The following CLVS2 variants were observed in gnomAD, a reference collection of about 807,000 sequenced individuals.
CLVS2 encodes the protein clavesin-2.
Under a neutral mutation model 29.0 loss-of-function variants are expected in CLVS2, and 19 were observed. The ratio of observed to expected loss-of-function variants is 0.66; its 90% CI spans 0.46 to 0.96. The LOEUF (loss-of-function observed/expected upper bound fraction) is 0.96. Among genes scored for constraint, CLVS2 ranks in the 40% least tolerant of loss-of-function variants. The pLI, the probability that CLVS2 is intolerant of heterozygous loss-of-function variation, is 0.00. For missense variants in CLVS2, 294 were observed against 404.1 expected, an observed-to-expected ratio of 0.73 and a Z score of 2.34; for synonymous variants, 161 against 151.3, an observed-to-expected ratio of 1.06 and a Z score of -0.47.
intron 3 of CLVS2, among the ~76,000 whole-genome samples, chr6:123,019,203 G>C (rs552196564): frequency 1.3e-5 from 2 of 151,980 alleles, no homozygotes; most frequent in African/African-American, 4.8e-5. Flanking sequence ...TCATGACAGG[G>C]GAGGCTGAAA....
At position 123,066,467 on chromosome 6, in the gene CLVS2, A is replaced by G. The variant is rs1772857313; in HGVS notation, c.*2706A>G. On this transcript the variant is annotated 3_prime_UTR_variant, in exon 6 of 6. Coordinates refer to ENST00000275162, the MANE Select transcript of CLVS2 (RefSeq NM_001010852.4). The stretch of plus-strand genomic sequence containing the variant: ...CTATTTTAGTTGTCTTGTCACTTGA[A>G]ATTTGCGGGCTTCAAAGAATTATCG... The G allele has an allele frequency of 6.6e-6, 1 of 151,626 alleles. No individual in the cohort carries two copies. Among genetic ancestry groups the G allele is most frequent in the African/African-American group, 2.4e-5 (1 of 41,376 alleles). The allele number at this position is 151,626 out of a possible 1,614,324, so 9.4% of individuals were successfully genotyped here.
intron 2 of CLVS2, among the ~76,000 whole-genome samples, chr6:123,000,513 T>G (rs1774575755): frequency 6.6e-6 from 1 of 152,206 alleles, no homozygotes; most frequent in Non-Finnish European, 1.5e-5. Context: ...AATGCCAGGA[T>G]GTTACCAACA....
intron 4 of CLVS2, 33 bp from the exon 5 acceptor site, chr6:123,055,773 C>G: frequency 1.3e-6 from 2 of 1,487,486 alleles, no homozygotes; most frequent in Non-Finnish European, 1.9e-6. Context: ...TCCTCTGTGT[C>G]TTTCCCTTCC....
intron 2 of CLVS2, among the ~76,000 whole-genome samples, chr6:123,001,848 G>A (rs9401628): frequency 0.74 from 112,725 of 152,108 alleles, 42,277 homozygotes; most frequent in East Asian, 0.92. Context: ...CATGTATCTA[G>A]GAAGTTGAAA....
chr6:123,022,611 C>G (rs755343056), intron 3 of CLVS2, among the ~76,000 whole-genome samples: 11 of 152,034 alleles, frequency 7.2e-5, no homozygotes, highest in South Asian at 4.1e-4. Context: ...TTTTCCCCCC[C>G]CAGGGTAAAA....
intron 2 of CLVS2, among the ~76,000 whole-genome samples, chr6:123,008,714 C>G (rs1774706248): frequency 6.7e-6 from 1 of 149,512 alleles, no homozygotes; most frequent in East Asian, 2.0e-4. Context: ...GTCTGAATTT[C>G]AACCAGAAAT....
intron 3 of CLVS2, among the ~76,000 whole-genome samples, chr6:123,043,391 A>G (rs1775262143): frequency 6.6e-6 from 1 of 152,110 alleles, no homozygotes; most frequent in Non-Finnish European, 1.5e-5. Context: ...GTCCTAGTAT[A>G]ATTTTATGGG....
chr6:123,013,543 A>G (rs956159126), intron 3 of CLVS2, among the ~76,000 whole-genome samples: 1 of 152,102 alleles, frequency 6.6e-6, no homozygotes, highest in East Asian at 1.9e-4. Context: ...TACGTGCATT[A>G]TGAATGGGAT....
intron 2 of CLVS2, among the ~76,000 whole-genome samples, chr6:123,010,503 A>G (rs1774732778): frequency 1.3e-5 from 2 of 151,842 alleles, no homozygotes; most frequent in Admixed American, 1.3e-4. Context: ...CCTTTTCTTT[A>G]TGATACAAAC....
Position 123,062,089 on chromosome 6 carries a change from T to A in CLVS2, c.897-1585T>A, listed in dbSNP as rs76980356. ...ACAATAAGGAAAGAAACTGATAAAG[T>A]CCCTGCTTATGGAACTTGCAGTCTA... On this transcript the variant is annotated intron_variant, in intron 5 of 5. Coordinates refer to ENST00000275162, the MANE Select transcript of CLVS2 (RefSeq NM_001010852.4). Among the ~76,000 whole-genome samples the A allele has an allele frequency of 7.9e-5, 12 of 152,230 alleles. No individual in the cohort carries two copies. The East Asian group carries it at 2.3e-3, about 29-fold the overall frequency.
At chr6:123,007,465 A>G (rs1211071657) in intron 2 of CLVS2, among the ~76,000 whole-genome samples, 2 of 152,198 alleles carry the variant, frequency 1.3e-5, no homozygotes, top group East Asian at 3.9e-4. Context: ...AACATGCCCC[A>G]AATAATTAAT....
At chr6:123,053,610 G>T (rs1353664839) in intron 4 of CLVS2, among the ~76,000 whole-genome samples, 1 of 152,102 alleles carries the variant, frequency 6.6e-6, no homozygotes, top group Non-Finnish European at 1.5e-5. Flanking sequence ...TTCCATTTAG[G>T]AAAAATGAGG....
chr6:123,021,259 A>G (rs913636922), intron 3 of CLVS2, among the ~76,000 whole-genome samples: 3 of 151,906 alleles, frequency 2.0e-5, no homozygotes, highest in African/African-American at 4.8e-5. Context: ...TTAGCCATCC[A>G]TTATTTCTGA....
intron 2 of CLVS2, among the ~76,000 whole-genome samples, chr6:123,005,532 T>G (rs548793387): frequency 6.6e-6 from 1 of 152,330 alleles, no homozygotes; most frequent in South Asian, 2.1e-4. Flanking sequence ...TAGTTTTTTC[T>G]TGTCATGCTG....
intron 2 of CLVS2, among the ~76,000 whole-genome samples, chr6:123,009,104 G>A (rs1010267450): frequency 1.3e-5 from 2 of 151,978 alleles, no homozygotes; most frequent in African/African-American, 4.8e-5. Flanking sequence ...CTGAACACCT[G>A]TTTATACCGA....
intron 2 of CLVS2, among the ~76,000 whole-genome samples, chr6:123,001,235 C>G (rs1223783043): frequency 1.3e-5 from 2 of 152,172 alleles, no homozygotes. Context: ...GAGACAGTGA[C>G]TATAAATAAA....
At chr6:123,014,057 A>G (rs1282631982) in intron 3 of CLVS2, among the ~76,000 whole-genome samples, 1 of 152,066 alleles carries the variant, frequency 6.6e-6, no homozygotes, top group Non-Finnish European at 1.5e-5. Flanking sequence ...AATCCAGTCT[A>G]TCGTTGTTGG....
intron 3 of CLVS2, among the ~76,000 whole-genome samples, chr6:123,031,864 T>C (rs1007982013): frequency 1.3e-5 from 2 of 152,110 alleles, no homozygotes; most frequent in African/African-American, 4.8e-5. Context: ...TTTGACTTGA[T>C]TTAATATTAT....
intron 4 of CLVS2, among the ~76,000 whole-genome samples, chr6:123,055,349 C>T (rs1772677852): frequency 6.6e-6 from 1 of 152,148 alleles, no homozygotes; most frequent in Admixed American, 6.5e-5. Flanking sequence ...GAAAGCCTTG[C>T]AAGTGACAGC....
Sources: gnomAD v4.1 joint callset for allele counts (sites outside exome capture counted in the v4.1 genomes callset) on GRCh38, gnomAD v4.1.1 for gene constraint, MANE v1.5 for transcripts, NCBI Gene and HGNC (gene_info 2026-07-23, HGNC 2026-07-21) for gene names.